VTA1: variants seen among roughly 807,000 people sequenced by gnomAD.
VTA1 encodes the protein vesicle trafficking 1.
VTA1 carries 24 observed loss-of-function variants against 36.9 expected under a neutral mutation model. The observed-to-expected ratio is 0.65, with a 90% CI of 0.47 to 0.91. The LOEUF is 0.91. Ranked by LOEUF, VTA1 falls within the 40% of genes least tolerant of loss-of-function variation. VTA1 has a pLI of 0.00. For synonymous variants in VTA1, 142 were observed against 130.2 expected (o/e 1.09, Z -0.62); for missense variants, 393 against 377.2 (o/e 1.04, Z -0.35).
rs909829821 is a variant in VTA1, at chr6:142,220,548, C to T, written c.*1905C>T. On this transcript the variant is annotated 3_prime_UTR_variant, in exon 8 of 8. Transcript: ENST00000367630. ...GAGATACAGTACCTGAAGTGCTTAG[C>T]GCATGGTAGCATTTCATAAATGTTT... 8 of 152,206 alleles carry T rather than the reference C, an allele frequency of 5.3e-5. No individual in the cohort carries two copies. The highest frequency in any genetic ancestry group is 3.9e-4 in the East Asian group (2 of 5,172). 9.4% of individuals were successfully genotyped at this position (152,206 alleles called of 1,614,324 possible). A position where few individuals can be genotyped will look rare whatever the true frequency, so the allele number is the denominator to read the frequency against.
intron 7 of VTA1, among the ~76,000 whole-genome samples, chr6:142,214,705 A>G (rs756138677): frequency 6.6e-6 from 1 of 152,230 alleles, no homozygotes; most frequent in Non-Finnish European, 1.5e-5. Flanking sequence ...TGATGGATCA[A>G]TGCAGGTTCA....
rs1778462027 is a variant in VTA1 at position 142,147,264 on chromosome 6, G to T, written c.-24G>T. 6.2e-7 allele frequency: 1 copy of T among 1,613,276 alleles called. No individual in the cohort carries two copies. Among genetic ancestry groups the T allele is most frequent in the African/African-American group, 1.3e-5 (1 of 74,920 alleles). ...CGGAAGTGCCGGTGGAGCGCGAGTA[G>T]GAAGTGGTGAGTTCGGAGTAGAGAT... On this transcript the variant is annotated 5_prime_UTR_variant, in exon 1 of 8. The change creates a new upstream start codon in the 5' untranslated region. Coordinates refer to ENST00000367630, the MANE Select transcript of VTA1 (RefSeq NM_016485.5).
intron 1 of VTA1, among the ~76,000 whole-genome samples, chr6:142,152,216 A>G (rs977623567): frequency 6.6e-6 from 1 of 152,106 alleles, no homozygotes; most frequent in Non-Finnish European, 1.5e-5. Flanking sequence ...AAGATGATGA[A>G]TCTTTATAAT....
intron 1 of VTA1, 39 bp from the exon 2 acceptor site, chr6:142,166,189 A>G (rs754490110): frequency 6.9e-7 from 1 of 1,440,858 alleles, no homozygotes; most frequent in Non-Finnish European, 9.6e-7. Context: ...TGGATGTTTA[A>G]AAATGAAATT....
At chr6:142,185,855 T>C (rs1188074684) in intron 4 of VTA1, among the ~76,000 whole-genome samples, 1 of 152,222 alleles carries the variant, frequency 6.6e-6, no homozygotes, top group Non-Finnish European at 1.5e-5. Flanking sequence ...AGTTAAGCTT[T>C]CATACATTGG....
At chr6:142,182,471 G>T (rs916118087) in intron 4 of VTA1, among the ~76,000 whole-genome samples, 1 of 152,152 alleles carries the variant, frequency 6.6e-6, no homozygotes, top group Non-Finnish European at 1.5e-5. Context: ...AAATAATCAA[G>T]GTAAAAGATA....
chr6:142,183,896 CTT>C (rs1182977784), intron 4 of VTA1, among the ~76,000 whole-genome samples: 1 of 152,142 alleles, frequency 6.6e-6, no homozygotes, highest in Admixed American at 6.5e-5. Context: ...AACTTAGTTT[CTT>C]AAATTTCACA....
chr6:142,198,096 C>G (rs1231396645), intron 5 of VTA1, among the ~76,000 whole-genome samples: 1 of 100,366 alleles, frequency 1.0e-5, no homozygotes, highest in Admixed American at 1.1e-4. Flanking sequence ...GACTCCGTCT[C>G]AAAAAAAAAT....
chr6:142,158,032 TA>T (rs1196260627), intron 1 of VTA1, among the ~76,000 whole-genome samples: 198 of 139,656 alleles, frequency 1.4e-3, no homozygotes, highest in Non-Finnish European at 1.9e-3. Context: ...AAATAGAAGT[TA>T]AAAAAAAAAA....
rs190492512 is a variant in VTA1, at chr6:142,187,124, A to G, written c.412-2302A>G. Among the ~76,000 whole-genome samples, 477 of 152,332 alleles carry G rather than the reference A, an allele frequency of 3.1e-3. 2 individuals are homozygous for G. The highest frequency in any genetic ancestry group is 5.1e-3 in the Non-Finnish European group (345 of 68,022). ...TATTTGGATATATAAAACATAATTC[A>G]TATTTAAAATTCTATATGAGTTATT... On this transcript the variant is annotated intron_variant, in intron 4 of 7. Transcript: ENST00000367630.
At chr6:142,209,036 GAAAT>G (rs766367175) in intron 7 of VTA1, among the ~76,000 whole-genome samples, 3 of 152,190 alleles carry the variant, frequency 2.0e-5, no homozygotes, top group East Asian at 1.9e-4. Context: ...GCAAAAGAAA[GAAAT>G]AAAGTTCATC....
intron 4 of VTA1, among the ~76,000 whole-genome samples, chr6:142,181,612 T>G (rs1775243036): frequency 6.6e-6 from 1 of 151,740 alleles, no homozygotes; most frequent in Non-Finnish European, 1.5e-5. Flanking sequence ...AAACTATATT[T>G]TTTTTTCAAA....
chr6:142,187,820 C>CATTATAGA (rs1775368301), intron 4 of VTA1, among the ~76,000 whole-genome samples: 1 of 151,474 alleles, frequency 6.6e-6, no homozygotes, highest in African/African-American at 2.4e-5. Context: ...TAGAGACTCA[C>CATTATAGA]ATTATAGAAT....
At chr6:142,179,438 A>G (rs1775185518) in intron 4 of VTA1, among the ~76,000 whole-genome samples, 1 of 152,164 alleles carries the variant, frequency 6.6e-6, no homozygotes, top group African/African-American at 2.4e-5. Flanking sequence ...TGGGAAGTTT[A>G]TTCATAATAG....
At chr6:142,167,395 GACTT>G (rs1340129803) in intron 2 of VTA1, among the ~76,000 whole-genome samples, 1 of 152,162 alleles carries the variant, frequency 6.6e-6, no homozygotes, top group East Asian at 1.9e-4. Flanking sequence ...TAATAGTCGT[GACTT>G]ACTTTTTATT....
intron 5 of VTA1, among the ~76,000 whole-genome samples, chr6:142,197,660 C>T (rs567272952): frequency 2.0e-4 from 30 of 152,070 alleles, no homozygotes; most frequent in Non-Finnish European, 3.8e-4. Flanking sequence ...AGCTAGTACG[C>T]GGTAAATCTT....
intron 7 of VTA1, among the ~76,000 whole-genome samples, chr6:142,207,106 A>C (rs1313888734): frequency 6.6e-6 from 1 of 152,190 alleles, no homozygotes; most frequent in Non-Finnish European, 1.5e-5. Flanking sequence ...CCCAAGTATG[A>C]GGATGAAATA....
At chr6:142,208,871 G>T in intron 7 of VTA1, among the ~76,000 whole-genome samples, 1 of 152,130 alleles carries the variant, frequency 6.6e-6, no homozygotes, top group East Asian at 1.9e-4. Context: ...GACCCATCCT[G>T]CAAGAAAAGC....
intron 5 of VTA1, among the ~76,000 whole-genome samples, chr6:142,192,917 G>T (rs866839954): frequency 1.3e-5 from 2 of 151,988 alleles, no homozygotes; most frequent in South Asian, 4.1e-4. Flanking sequence ...CAGAAGAGTG[G>T]CATTCTTTTT....
Sources: gnomAD v4.1 joint callset for allele counts (sites outside exome capture counted in the v4.1 genomes callset) on GRCh38, gnomAD v4.1.1 for gene constraint, MANE v1.5 for transcripts, NCBI Gene and HGNC (gene_info 2026-07-23, HGNC 2026-07-21) for gene names.